The following SPATA16 variants were observed in gnomAD, a reference collection of about 807,000 sequenced individuals.
SPATA16 encodes the protein spermatogenesis associated 16.
A neutral mutation model predicts 63.3 loss-of-function variants in SPATA16; 36 were observed. The ratio of observed to expected loss-of-function variants is 0.57; its 90% CI spans 0.44 to 0.75. The LOEUF (loss-of-function observed/expected upper bound fraction) is 0.75. Ranked by LOEUF, SPATA16 falls within the 30% of genes least tolerant of loss-of-function variation. SPATA16 has a pLI of 0.00. For missense variants in SPATA16, 646 were observed against 679.3 expected (o/e 0.95, Z 0.54); for synonymous variants, 203 against 216.7 (o/e 0.94, Z 0.56).
In SPATA16 at chr3:172,997,721, A is replaced by G. The variant is rs1039415266; in HGVS notation, c.849-20669T>C. On this transcript the variant is annotated intron_variant, in intron 4 of 10. Coordinates refer to ENST00000351008, the MANE Select transcript of SPATA16 (RefSeq NM_031955.6). ...TCCTATGTTATCTCCTAGGAGCTTTATAGTTTTGAATTTTACATTTAGATC... is the reference window on the plus strand; with the variant it reads ...TCCTATGTTATCTCCTAGGAGCTTTGTAGTTTTGAATTTTACATTTAGATC... Among the ~76,000 whole-genome samples, 3 of 152,126 alleles carry G rather than the reference A, an allele frequency of 2.0e-5. No individual in the cohort carries two copies. The South Asian group carries it at 6.2e-4, about 32-fold the overall frequency.
intron 9 of SPATA16, among the ~76,000 whole-genome samples, chr3:172,915,576 C>G (rs961532285): frequency 6.6e-6 from 1 of 152,060 alleles, no homozygotes; most frequent in African/African-American, 2.4e-5. Context: ...TAAATTTTAC[C>G]TTTCCTTGAA....
chr3:173,096,131 C>T (rs796157740), intron 2 of SPATA16, among the ~76,000 whole-genome samples: 49 of 152,124 alleles, frequency 3.2e-4, no homozygotes, highest in African/African-American at 1.1e-3. Flanking sequence ...TATTGCTAAA[C>T]TACTATCCCA....
intron 2 of SPATA16, among the ~76,000 whole-genome samples, chr3:173,097,661 T>C (rs1057300339): frequency 3.9e-5 from 6 of 152,156 alleles, no homozygotes; most frequent in Non-Finnish European, 7.4e-5. Context: ...CTGAAATGAA[T>C]GACACCAAGC....
At chr3:172,894,897 C>G (rs577219503) in intron 10 of SPATA16, among the ~76,000 whole-genome samples, 1 of 152,264 alleles carries the variant, frequency 6.6e-6, no homozygotes, top group Non-Finnish European at 1.5e-5. Context: ...TTTCCAGCCT[C>G]TGGAATGATG....
At chr3:173,066,091 T>G (rs1262113696) in intron 2 of SPATA16, among the ~76,000 whole-genome samples, 1 of 151,686 alleles carries the variant, frequency 6.6e-6, no homozygotes, top group Non-Finnish European at 1.5e-5. Context: ...GAAAGAAGAG[T>G]GCAGTGGACT....
chr3:172,889,630 C>T lies in SPATA16; in HGVS notation c.1650G>A (p.Leu550=), dbSNP rs561367367. ...LEDSFLKTKK[L]RTARRQKTKM... is the part of the protein sequence containing the mutation. ...TTGTTTTTTGCCTTCGAGCAGTTCT[C>T]AGTTTTTTAGTTTTTAAGAAACTGT... is the stretch of plus-strand genomic sequence containing the variant. Residue 550 remains leucine (L), a synonymous_variant, in exon 11 of 11, where the codon CTG becomes CTA. Coordinates refer to ENST00000351008, the MANE Select transcript of SPATA16 (RefSeq NM_031955.6). 31 of 1,613,796 alleles carry T rather than the reference C, an allele frequency of 1.9e-5. No homozygotes were observed. The South Asian group carries it at 3.0e-4, about 15-fold the overall frequency.
rs549090218 is a variant in SPATA16 at position 173,075,894 on chromosome 3, A to G, written c.613-26800T>C. Among the ~76,000 whole-genome samples the G allele has an allele frequency of 7.2e-5, 11 of 152,310 alleles. No homozygotes were observed. In the South Asian group the frequency reaches 1.2e-3, roughly 17 times the overall value. On this transcript the variant is annotated intron_variant, in intron 2 of 10. Transcript: ENST00000351008. ...ACTATAATTAATAATACTTTATTGT[A>G]TATTTCAGAATTACTGAAAGAGTGG...
At chr3:173,035,616 T>C (rs1292716183) in intron 3 of SPATA16, among the ~76,000 whole-genome samples, 2 of 152,042 alleles carry the variant, frequency 1.3e-5, no homozygotes, top group African/African-American at 2.4e-5. Context: ...AGAAAGCACA[T>C]AATGGAAACA....
intron 2 of SPATA16, among the ~76,000 whole-genome samples, chr3:173,096,155 C>T (rs1029839156): frequency 2.6e-5 from 4 of 152,044 alleles, no homozygotes; most frequent in East Asian, 1.9e-4. Context: ...CTTGAAAATA[C>T]GAACATGTGC....
chr3:173,086,561 T>TTTCTTGTATTCTTGTA (rs1737059307), intron 2 of SPATA16, among the ~76,000 whole-genome samples: 5 of 152,172 alleles, frequency 3.3e-5, no homozygotes. Context: ...ATTTTGGTTA[T>TTTCTTGTATTCTTGTA]TTCTTGTATT....
At chr3:173,107,850 T>G (rs899154339) in intron 2 of SPATA16, among the ~76,000 whole-genome samples, 6 of 152,114 alleles carry the variant, frequency 3.9e-5, no homozygotes, top group African/African-American at 1.4e-4. Flanking sequence ...GAAAGTTGGA[T>G]AGTGGAAGAA....
At chr3:173,078,671 G>A (rs548050971) in intron 2 of SPATA16, among the ~76,000 whole-genome samples, 7 of 152,222 alleles carry the variant, frequency 4.6e-5, no homozygotes, top group East Asian at 1.9e-4. Flanking sequence ...CTTCCCAACC[G>A]TCACATTTGC....
At chr3:172,989,266 AG>A (rs1483555116) in intron 4 of SPATA16, among the ~76,000 whole-genome samples, 1 of 152,190 alleles carries the variant, frequency 6.6e-6, no homozygotes, top group Non-Finnish European at 1.5e-5. Flanking sequence ...AGAGATAAGT[AG>A]GTAATTTCAG....
chr3:172,938,484 G>C (rs1053520421), intron 6 of SPATA16, among the ~76,000 whole-genome samples: 35 of 152,294 alleles, frequency 2.3e-4, no homozygotes, highest in African/African-American at 8.2e-4. Flanking sequence ...ATACAAGGTT[G>C]GGTGGACCAA....
chr3:173,026,414 T>C (rs1735455138), intron 3 of SPATA16, among the ~76,000 whole-genome samples: 1 of 151,982 alleles, frequency 6.6e-6, no homozygotes. Context: ...AATAGTTTCT[T>C]TTGAAGAGCA....
intron 10 of SPATA16, among the ~76,000 whole-genome samples, chr3:172,890,992 A>G (rs1344944125): frequency 2.0e-5 from 3 of 149,752 alleles, no homozygotes; most frequent in African/African-American, 4.9e-5. Context: ...GTATATATAT[A>G]TACACGCACA....
At chr3:173,130,684 T>C (rs1738357355) in intron 1 of SPATA16, among the ~76,000 whole-genome samples, 1 of 152,216 alleles carries the variant, frequency 6.6e-6, no homozygotes, top group Non-Finnish European at 1.5e-5. Flanking sequence ...CTTCCCATCA[T>C]AAACAGCTGA....
intron 4 of SPATA16, among the ~76,000 whole-genome samples, chr3:173,015,447 A>G (rs1007761122): frequency 2.6e-5 from 4 of 152,120 alleles, no homozygotes; most frequent in Admixed American, 6.6e-5. Context: ...CTTCTTACAC[A>G]ATGTGGTTTT....
At chr3:172,923,321 C>T (rs917837743) in intron 8 of SPATA16, among the ~76,000 whole-genome samples, 4 of 152,138 alleles carry the variant, frequency 2.6e-5, no homozygotes, top group African/African-American at 9.7e-5. Context: ...TACATGGAAT[C>T]GCAAATCGTG....
Sources: gnomAD v4.1 joint callset for allele counts (sites outside exome capture counted in the v4.1 genomes callset) on GRCh38, gnomAD v4.1.1 for gene constraint, MANE v1.5 for transcripts, NCBI Gene and HGNC (gene_info 2026-07-23, HGNC 2026-07-21) for gene names.